Variants in HACD3 observed in about 807,000 individuals in gnomAD.
The protein encoded by HACD3 is 3-hydroxyacyl-CoA dehydratase 3.
In HACD3, 30 loss-of-function variants were observed where a neutral mutation model predicts 55.2. The ratio of observed to expected loss-of-function variants is 0.54; its 90% confidence interval spans 0.41 to 0.74. The LOEUF is 0.74. Among genes scored for constraint, HACD3 ranks in the 30% least tolerant of loss-of-function variants. The pLI, the probability that HACD3 is intolerant of heterozygous loss-of-function variation, is 0.00. For synonymous variants in HACD3, 141 were observed against 151.7 expected, an observed-to-expected ratio of 0.93 and a Z score of 0.52; for missense variants, 363 against 440.1, an observed-to-expected ratio of 0.82 and a Z score of 1.57.
At chr15:65,560,973 C>A (rs1387816786) in intron 5 of HACD3, among the ~76,000 whole-genome samples, 1 of 152,144 alleles carries the variant, frequency 6.6e-6, no homozygotes. Flanking sequence ...CTGAGGGCAG[C>A]CTTGAACTAC....
At chr15:65,545,797 T>C (rs1279169827) in intron 1 of HACD3, among the ~76,000 whole-genome samples, 1 of 152,158 alleles carries the variant, frequency 6.6e-6, no homozygotes, top group Non-Finnish European at 1.5e-5. Flanking sequence ...TCAGGATAAC[T>C]GCATCAAGAG....
intron 2 of HACD3, 64 bp downstream of exon 2, chr15:65,551,782 C>G: frequency 6.4e-7 from 1 of 1,569,722 alleles, no homozygotes. Context: ...GGTGGTTTCC[C>G]TTTTTTAAAA....
chr15:65,566,746 T>C (rs558897577), intron 7 of HACD3: 1 of 152,344 alleles, frequency 6.6e-6, no homozygotes, highest in East Asian at 1.9e-4. Flanking sequence ...TGTACAGGAA[T>C]AGCATTATTT....
At chr15:65,575,809 G>A (rs867031497) in intron 10 of HACD3, among the ~76,000 whole-genome samples, 2 of 152,262 alleles carry the variant, frequency 1.3e-5, no homozygotes, top group South Asian at 4.2e-4. Flanking sequence ...AACTCACTGG[G>A]AGGCTGGGTG....
chr15:65,537,163 A>G (rs2071962854), intron 1 of HACD3, among the ~76,000 whole-genome samples: 1 of 152,188 alleles, frequency 6.6e-6, no homozygotes, highest in African/African-American at 2.4e-5. Flanking sequence ...AAGCTAGCAG[A>G]AGTTGATTCA....
At chr15:65,549,938 G>T (rs1285791074) in intron 1 of HACD3, among the ~76,000 whole-genome samples, 1 of 152,180 alleles carries the variant, frequency 6.6e-6, no homozygotes, top group Admixed American at 6.5e-5. Flanking sequence ...GGACCCCTAG[G>T]TCCCTGGCAG....
chr15:65,557,349 C>G (rs1177317335), intron 4 of HACD3, among the ~76,000 whole-genome samples: 2 of 152,090 alleles, frequency 1.3e-5, no homozygotes, highest in Non-Finnish European at 1.5e-5. Context: ...GTGGTGCATG[C>G]CTGTAGTCGG....
chr15:65,573,737 G>T (rs192900692), intron 10 of HACD3, among the ~76,000 whole-genome samples: 2,660 of 152,138 alleles, frequency 0.017, 38 homozygotes, highest in Non-Finnish European at 0.025. Flanking sequence ...TTATGTGTAG[G>T]TTAAATACAA....
At position 65,530,646 on chromosome 15, in the gene HACD3, G is replaced by A. The variant is rs1374307496; in HGVS notation, c.15G>A (p.Val5=). 1.3e-6 allele frequency: 2 copies of A among 1,580,106 alleles called. No individual in the cohort carries two copies. The change falls in exon 1 of 11, where the codon GTG becomes GTA. Residue 5 remains valine, a synonymous_variant. Transcript: ENST00000261875. ...GCAGTGTGGCCATGGAGAATCAGGT[G>A]TTGACGCCGCATGTCTACTGGGCTC... MENQ[V]LTPHVYWAQR... is the part of the protein sequence containing the mutation.
At chr15:65,532,548 C>T (rs1457706247) in intron 1 of HACD3, among the ~76,000 whole-genome samples, 1 of 151,254 alleles carries the variant, frequency 6.6e-6, no homozygotes, top group Non-Finnish European at 1.5e-5. Flanking sequence ...AGGAGAATTG[C>T]TTGAACCCGG....
rs8030497 is a variant in HACD3, at chr15:65,541,960, G to A, written c.88-9716G>A. On this transcript the variant is annotated intron_variant, in intron 1 of 10. Transcript: ENST00000261875. ...AGAATATCTGTTTTGGCCGGGTGCGGTGGCTCACGCCTGTAATCCCAGCAC... is the reference window on the plus strand; with the variant it reads ...AGAATATCTGTTTTGGCCGGGTGCGATGGCTCACGCCTGTAATCCCAGCAC... Among the ~76,000 whole-genome samples the A allele has an allele frequency of 5.9e-3, 891 of 152,230 alleles. 9 individuals are homozygous for A. The highest frequency in any genetic ancestry group is 0.02 in the African/African-American group (839 of 41,542).
chr15:65,548,312 C>A (rs921013002), intron 1 of HACD3, among the ~76,000 whole-genome samples: 1 of 151,874 alleles, frequency 6.6e-6, no homozygotes, highest in African/African-American at 2.4e-5. Flanking sequence ...AGTTCGGGAC[C>A]AGCCTGGGCA....
intron 1 of HACD3, among the ~76,000 whole-genome samples, chr15:65,536,124 CT>C (rs2071952795): frequency 6.6e-6 from 1 of 152,176 alleles, no homozygotes; most frequent in African/African-American, 2.4e-5. Flanking sequence ...TCAAGTGATC[CT>C]TCCACCTCTG....
intron 2 of HACD3, among the ~76,000 whole-genome samples, chr15:65,552,734 C>T (rs962897070): frequency 1.7e-4 from 26 of 150,934 alleles, no homozygotes; most frequent in South Asian, 8.4e-4. Context: ...GGTACATGTG[C>T]CCGTTGTGCA....
At chr15:65,541,453 G>A (rs2072018094) in intron 1 of HACD3, among the ~76,000 whole-genome samples, 1 of 152,204 alleles carries the variant, frequency 6.6e-6, no homozygotes, top group African/African-American at 2.4e-5. Flanking sequence ...TTGTTCCAGT[G>A]AGGGAAAACA....
chr15:65,539,963 A>G (rs891423471), intron 1 of HACD3, among the ~76,000 whole-genome samples: 3 of 152,196 alleles, frequency 2.0e-5, no homozygotes, highest in Admixed American at 6.5e-5. Context: ...ACCAACTCCA[A>G]TCCTGGAGTA....
At position 65,557,258 on chromosome 15, in the gene HACD3, G is replaced by A. The variant is rs569808062; in HGVS notation, c.369+355G>A. ...TGGGAGGCCAAGGTGCGTGGATCAC[G>A]AGGTCAGGAGATAGAGACCATCCTG... On this transcript the variant is annotated intron_variant, in intron 4 of 10. Transcript: ENST00000261875. Among the ~76,000 whole-genome samples the A allele has an allele frequency of 5.3e-5, 8 of 152,290 alleles. No individual in the cohort carries two copies. The East Asian group carries it at 1.2e-3, about 22-fold the overall frequency.
At chr15:65,567,500 A>T (rs1163332238) in intron 7 of HACD3, among the ~76,000 whole-genome samples, 1 of 152,156 alleles carries the variant, frequency 6.6e-6, no homozygotes, top group African/African-American at 2.4e-5. Context: ...TAGTTCTCAT[A>T]TTTCCCTGTA....
At chr15:65,539,213 T>G (rs888421891) in intron 1 of HACD3, among the ~76,000 whole-genome samples, 2 of 2,500 alleles carry the variant, frequency 8.0e-4, no homozygotes, top group Non-Finnish European at 2.2e-3. Flanking sequence ...GACAGGACTT[T>G]TTTTTTTTTT....
Sources: gnomAD v4.1 joint callset for allele counts (sites outside exome capture counted in the v4.1 genomes callset) on GRCh38, gnomAD v4.1.1 for gene constraint, MANE v1.5 for transcripts, NCBI Gene and HGNC (gene_info 2026-07-23, HGNC 2026-07-21) for gene names.